Variants in ACBD6 observed in about 807,000 individuals in gnomAD.
ACBD6 encodes acyl-CoA binding domain containing 6.
In ACBD6, 28 loss-of-function variants were observed where a neutral mutation model predicts 37.2. The observed-to-expected ratio is 0.75, with a 90% CI of 0.56 to 1.03. The LOEUF (loss-of-function observed/expected upper bound fraction) is 1.03. Among genes scored for constraint, ACBD6 ranks in the 50% least tolerant of loss-of-function variants. The pLI is 0.00. For missense variants in ACBD6, 340 were observed against 337.4 expected, an observed-to-expected ratio of 1.01 and a Z score of -0.06; for synonymous variants, 113 against 126.8, an observed-to-expected ratio of 0.89 and a Z score of 0.73.
In ACBD6 at chr1:180,495,527, T is replaced by C. The variant is rs751301067; in HGVS notation, c.223-2A>G. On this transcript the variant is annotated splice_acceptor_variant, in intron 1 of 7. Transcript: ENST00000367595. LOFTEE classifies it high-confidence loss of function. Reference sequence around the variant, plus strand: ...AGTATTACAATTTCCAACTTTGACCTAAATGAGGGAAGGAAAATCAAGAAC... The same window carrying C: ...AGTATTACAATTTCCAACTTTGACCCAAATGAGGGAAGGAAAATCAAGAAC... 1 of 1,606,904 alleles carries C rather than the reference T, an allele frequency of 6.2e-7. No individual in the cohort carries two copies. The highest frequency in any genetic ancestry group is 2.2e-5 in the East Asian group (1 of 44,706).
intron 4 of ACBD6, among the ~76,000 whole-genome samples, chr1:180,415,124 A>C (rs12087325): frequency 0.1 from 15,795 of 151,910 alleles, 1,176 homozygotes; most frequent in African/African-American, 0.2. Flanking sequence ...AACAAACAAA[A>C]AAAACCAAAA....
chr1:180,309,215 T>C (rs1448606107), intron 7 of ACBD6, among the ~76,000 whole-genome samples: 4 of 152,202 alleles, frequency 2.6e-5, no homozygotes, highest in African/African-American at 9.6e-5. Context: ...CTTAACCTTT[T>C]TGTTCAACAA....
At chr1:180,327,959 C>T (rs1190457894) in intron 6 of ACBD6, among the ~76,000 whole-genome samples, 1 of 152,152 alleles carries the variant, frequency 6.6e-6, no homozygotes, top group African/African-American at 2.4e-5. Context: ...CCTTTAAGGA[C>T]TGAGTTTTCT....
intron 7 of ACBD6, among the ~76,000 whole-genome samples, chr1:180,313,944 T>C (rs982061748): frequency 6.6e-6 from 1 of 152,230 alleles, no homozygotes; most frequent in African/African-American, 2.4e-5. Context: ...ATTATTTCCA[T>C]CTTACAGATT....
intron 6 of ACBD6, among the ~76,000 whole-genome samples, chr1:180,332,421 A>C (rs954353879): frequency 6.6e-6 from 1 of 152,144 alleles, no homozygotes; most frequent in Non-Finnish European, 1.5e-5. Flanking sequence ...AAGTGAGCAA[A>C]GCTTCATCTG....
intron 8 of ACBD6, among the ~76,000 whole-genome samples, chr1:180,282,640 G>A (rs1235745439): frequency 6.6e-6 from 1 of 152,206 alleles, no homozygotes; most frequent in African/African-American, 2.4e-5. Context: ...TAGTGGCTTA[G>A]GGAATTGAAA....
chr1:180,470,652 T>C (rs1650530066), intron 3 of ACBD6, among the ~76,000 whole-genome samples: 1 of 152,212 alleles, frequency 6.6e-6, no homozygotes, highest in Non-Finnish European at 1.5e-5. Context: ...CATGATTCTA[T>C]GATCACACAG....
intron 3 of ACBD6, among the ~76,000 whole-genome samples, chr1:180,437,689 T>C (rs1649101633): frequency 6.6e-6 from 1 of 152,110 alleles, no homozygotes; most frequent in African/African-American, 2.4e-5. Flanking sequence ...AGGTTAGGTC[T>C]GACAGAGACA....
At chr1:180,358,556 C>CAAA (rs10641300) in intron 6 of ACBD6, among the ~76,000 whole-genome samples, 14 of 149,780 alleles carry the variant, frequency 9.3e-5, no homozygotes, top group Non-Finnish European at 1.3e-4. Flanking sequence ...ACAGAAACCC[C>CAAA]AAAAAAAACC....
intron 9 of ACBD6, chr1:180,281,164 A>C (rs1293626168): frequency 1.3e-5 from 2 of 152,134 alleles, no homozygotes; most frequent in East Asian, 1.9e-4. Flanking sequence ...CCGCAACAAC[A>C]ACCCCCTTAT....
chr1:180,315,042 T>C (rs762894202), intron 6 of ACBD6, among the ~76,000 whole-genome samples: 7 of 152,062 alleles, frequency 4.6e-5, no homozygotes, highest in African/African-American at 1.2e-4. Flanking sequence ...GGCAGAAAAA[T>C]TGACACTATG....
chr1:180,287,890 T>C (rs1307882589), downstream of ACBD6, among the ~76,000 whole-genome samples: 1 of 152,200 alleles, frequency 6.6e-6, no homozygotes, highest in Non-Finnish European at 1.5e-5. Flanking sequence ...TTCTTTCCTA[T>C]CTTCCTAGTT....
chr1:180,499,099 T>G (rs1325851861), intron 1 of ACBD6, among the ~76,000 whole-genome samples: 1 of 152,172 alleles, frequency 6.6e-6, no homozygotes, highest in African/African-American at 2.4e-5. Flanking sequence ...TTTAGAGTTC[T>G]CCCTGAGAAA....
intron 6 of ACBD6, among the ~76,000 whole-genome samples, chr1:180,371,196 G>C (rs1433295998): frequency 6.6e-6 from 1 of 151,778 alleles, no homozygotes; most frequent in South Asian, 2.1e-4. Context: ...GGAAAAAAGA[G>C]ATCAAATATA....
intron 7 of ACBD6, among the ~76,000 whole-genome samples, chr1:180,306,086 C>T (rs185423280): frequency 2.0e-4 from 22 of 112,172 alleles, no homozygotes; most frequent in Admixed American, 2.6e-4. Flanking sequence ...CATCACACCC[C>T]GGGGACTGTT....
exon 14 of ACBD6, chr1:180,271,420 C>A (rs1648650229): frequency 1.9e-6 from 3 of 1,614,066 alleles, no homozygotes; most frequent in Non-Finnish European, 8.5e-7. Flanking sequence ...GGACCACCAT[C>A]ACAGCCAAGC....
At chr1:180,368,889 C>T (rs1286875909) in intron 6 of ACBD6, among the ~76,000 whole-genome samples, 1 of 152,104 alleles carries the variant, frequency 6.6e-6, no homozygotes, top group Non-Finnish European at 1.5e-5. Flanking sequence ...GTAACTGAAA[C>T]TGCAGAAAGT....
At chr1:180,430,633 T>C (rs1435984959) in intron 3 of ACBD6, among the ~76,000 whole-genome samples, 4 of 147,670 alleles carry the variant, frequency 2.7e-5, no homozygotes, top group Non-Finnish European at 4.5e-5. Flanking sequence ...TCTAGATTTA[T>C]AAAAGTTCCC....
intron 3 of ACBD6, among the ~76,000 whole-genome samples, chr1:180,473,425 C>T (rs1345921124): frequency 3.0e-5 from 4 of 132,994 alleles, no homozygotes; most frequent in Non-Finnish European, 6.2e-5. Flanking sequence ...CCAGCCTGGG[C>T]GACAGAGCGA....
Sources: allele counts gnomAD v4.1 joint callset (sites outside exome capture counted in the v4.1 genomes callset), GRCh38; gene constraint gnomAD v4.1.1; transcripts MANE v1.5; gene names NCBI Gene and HGNC (gene_info 2026-07-23, HGNC 2026-07-21).